LPIN1: variants seen among roughly 807,000 people sequenced by gnomAD.
LPIN1 encodes lipin 1.
LPIN1 carries 71 observed loss-of-function variants against 107.5 expected under a neutral mutation model. The observed-to-expected ratio is 0.66, with a 90% CI of 0.55 to 0.80. The LOEUF is 0.80. LPIN1 is among the 30% of genes least tolerant of loss of function. LPIN1 has a pLI of 0.00. For missense variants in LPIN1, 1,043 were observed against 1,160.6 expected, an observed-to-expected ratio of 0.90 and a Z score of 1.47; for synonymous variants, 445 against 452.6, an observed-to-expected ratio of 0.98 and a Z score of 0.21.
At position 11,804,475 on chromosome 2, in the gene LPIN1, C is replaced by T. The variant is rs1364674031; in HGVS notation, c.2066C>T (p.Thr689Met). The T allele has an allele frequency of 9.9e-6, 16 of 1,614,098 alleles. No individual in the cohort carries two copies. The highest frequency in any genetic ancestry group is 2.7e-5 in the African/African-American group (2 of 74,938). ...GPNDVVFSVTTQYQGTCRCEG... is the reference protein window; with the variant it reads ...GPNDVVFSVTMQYQGTCRCEG... ...AACGACGTGGTTTTCAGTGTCACCACGCAGTACCAAGGCACGTGCCGCTGT... is the reference window on the plus strand; with the variant it reads ...AACGACGTGGTTTTCAGTGTCACCATGCAGTACCAAGGCACGTGCCGCTGT... The change falls in exon 16 of 21, where the codon ACG becomes ATG. Residue 689 changes from threonine (T) to methionine (M), a missense_variant. Thr to Met is a moderately conservative substitution (Grantham distance 81, BLOSUM62 -1). Transcript: ENST00000674199.
At chr2:11,789,514 A>G (rs1282172115) in intron 12 of LPIN1, among the ~76,000 whole-genome samples, 2 of 146,666 alleles carry the variant, frequency 1.4e-5, no homozygotes, top group East Asian at 4.1e-4. Flanking sequence ...GTGTGCATGT[A>G]TGTGTGGATG....
At chr2:11,708,705 G>A (rs61602903) in intron 1 of LPIN1, among the ~76,000 whole-genome samples, 3,376 of 152,186 alleles carry the variant, frequency 0.022, 133 homozygotes, top group African/African-American at 0.076. Flanking sequence ...CATTTGATAC[G>A]TAAGAAAGCT....
chr2:11,752,149 A>T (rs1053200170), intron 1 of LPIN1, among the ~76,000 whole-genome samples: 11 of 152,312 alleles, frequency 7.2e-5, no homozygotes, highest in African/African-American at 2.6e-4. Flanking sequence ...CCAGCGGTAT[A>T]GTTGCTAGGG....
chr2:11,759,703 C>G (rs1263029906), intron 1 of LPIN1, among the ~76,000 whole-genome samples: 32 of 152,378 alleles, frequency 2.1e-4, no homozygotes, highest in African/African-American at 7.5e-4. Context: ...GGGTACACCT[C>G]CCAGACGGGG....
At chr2:11,793,071 G>A (rs182868713) in intron 13 of LPIN1, among the ~76,000 whole-genome samples, 17 of 152,214 alleles carry the variant, frequency 1.1e-4, no homozygotes, top group African/African-American at 3.6e-4. Context: ...TCAAGTAGTC[G>A]ACTAAGCAGA....
intron 1 of LPIN1, chr2:11,764,101 T>TACACACAC (rs1489154625): frequency 3.3e-5 from 4 of 121,266 alleles, no homozygotes; most frequent in African/African-American, 1.4e-4. Flanking sequence ...TATATATATA[T>TACACACAC]ATACACACAC....
intron 1 of LPIN1, among the ~76,000 whole-genome samples, chr2:11,708,056 G>T (rs1663214773): frequency 6.6e-6 from 1 of 152,070 alleles, no homozygotes; most frequent in South Asian, 2.1e-4. Context: ...GTGTCAGGCA[G>T]TGGGGCAGCA....
intron 17 of LPIN1, among the ~76,000 whole-genome samples, chr2:11,811,655 G>C (rs1361196702): frequency 6.6e-6 from 1 of 152,214 alleles, no homozygotes; most frequent in Non-Finnish European, 1.5e-5. Flanking sequence ...TTTAAAGATT[G>C]TATGAATTAG....
intron 13 of LPIN1, among the ~76,000 whole-genome samples, chr2:11,795,154 C>T (rs1676438580): frequency 6.6e-6 from 1 of 152,218 alleles, no homozygotes; most frequent in Non-Finnish European, 1.5e-5. Context: ...GTGCCACAAA[C>T]ACTTATGGAT....
At chr2:11,780,863 T>G (rs1325809185) in intron 7 of LPIN1, among the ~76,000 whole-genome samples, 1 of 152,218 alleles carries the variant, frequency 6.6e-6, no homozygotes, top group African/African-American at 2.4e-5. Context: ...CTGTGGTACA[T>G]GCACGCTGAG....
intron 1 of LPIN1, among the ~76,000 whole-genome samples, chr2:11,679,793 G>A (rs987233642): frequency 2.6e-5 from 4 of 152,256 alleles, no homozygotes; most frequent in African/African-American, 9.6e-5. Flanking sequence ...GGCTCTGAAG[G>A]GTGATGGGGG....
Position 11,771,822 on chromosome 2 carries a change from AC to A in LPIN1, c.596+145del. Reference sequence around the variant, plus strand: ...GTCCCCAACCTTTTTGGCACTAGGGACCAGTTTTGTGGAAGACAGTGTTTCC... The same window carrying A: ...GTCCCCAACCTTTTTGGCACTAGGGACAGTTTTGTGGAAGACAGTGTTTCC... On this transcript the variant is annotated intron_variant, in intron 4 of 20. Coordinates refer to ENST00000674199, the MANE Select transcript of LPIN1 (RefSeq NM_001349206.2). This position sits in a 1 kb window ranked among gnomAD's most constrained non-coding sequence, Gnocchi z 4.8. 1.2e-6 allele frequency: 1 copy of A among 827,104 alleles called. No individual in the cohort carries two copies. Among genetic ancestry groups the A allele is most frequent in the Non-Finnish European group, 1.9e-6 (1 of 526,980 alleles). 51.2% of individuals were successfully genotyped at this position (827,104 alleles called of 1,614,324 possible). A position where few individuals can be genotyped will look rare whatever the true frequency, so the allele number is the denominator to read the frequency against.
intron 1 of LPIN1, among the ~76,000 whole-genome samples, chr2:11,747,009 C>G (rs1667056484): frequency 6.6e-6 from 1 of 152,214 alleles, no homozygotes; most frequent in South Asian, 2.1e-4. Flanking sequence ...AGTCCCAGAA[C>G]CGCGGGGACT....
chr2:11,755,349 T>C (rs958524417), intron 1 of LPIN1, among the ~76,000 whole-genome samples: 1 of 152,056 alleles, frequency 6.6e-6, no homozygotes, highest in African/African-American at 2.4e-5. Context: ...TGGGTGCATC[T>C]TGCTGTTTTA....
At chr2:11,709,524 G>T (rs1663298233) in intron 1 of LPIN1, among the ~76,000 whole-genome samples, 1 of 152,210 alleles carries the variant, frequency 6.6e-6, no homozygotes, top group African/African-American at 2.4e-5. Context: ...GACTGTGAAT[G>T]GGTTTTCCCA....
At chr2:11,718,105 T>C (rs1663873250) in intron 2 of LPIN1, among the ~76,000 whole-genome samples, 1 of 152,194 alleles carries the variant, frequency 6.6e-6, no homozygotes, top group South Asian at 2.1e-4. Context: ...AGCTGTCCTC[T>C]TGGGAGGTCC....
At chr2:11,749,686 G>A (rs993811268) in intron 1 of LPIN1, among the ~76,000 whole-genome samples, 1 of 152,204 alleles carries the variant, frequency 6.6e-6, no homozygotes, top group Non-Finnish European at 1.5e-5. Context: ...CCCACAGGCT[G>A]TTCTGCACAC....
rs77534915 is a variant in LPIN1 at position 11,708,035 on chromosome 2, C to A, written c.82-5721C>A. 2.0e-5 allele frequency among the ~76,000 whole-genome samples: 3 copies of A among 152,034 alleles called. 1 individual carries two copies. In the South Asian group the frequency reaches 6.2e-4, roughly 32 times the overall value. On this transcript the variant is annotated intron_variant, in intron 1 of 21. Transcript: ENST00000449576. ...CACAGTTTCACATCAGATCCGCATCCGAGACCAGCTGTGTCAGGCAGTGGG... is the reference window on the plus strand; with the variant it reads ...CACAGTTTCACATCAGATCCGCATCAGAGACCAGCTGTGTCAGGCAGTGGG...
At chr2:11,704,750 G>T (rs1663043974) in intron 1 of LPIN1, among the ~76,000 whole-genome samples, 1 of 152,160 alleles carries the variant, frequency 6.6e-6, no homozygotes, top group Non-Finnish European at 1.5e-5. Flanking sequence ...CCAGCCCTGG[G>T]TCCTCTATCT....
Sources: allele counts gnomAD v4.1 joint callset (sites outside exome capture counted in the v4.1 genomes callset), GRCh38; gene constraint gnomAD v4.1.1; non-coding constraint Gnocchi (gnomAD v3.1); transcripts MANE v1.5; gene names NCBI Gene and HGNC (gene_info 2026-07-23, HGNC 2026-07-21).